Variants in IGHMBP2 observed in about 807,000 individuals in gnomAD.
The protein encoded by IGHMBP2 is DNA-binding protein SMUBP-2.
IGHMBP2 carries 81 observed loss-of-function variants against 96.0 expected under a neutral mutation model. The ratio of observed to expected loss-of-function variants is 0.84; its 90% CI spans 0.71 to 1.01. IGHMBP2 has a LOEUF of 1.01. Among genes scored for constraint, IGHMBP2 ranks in the 50% least tolerant of loss-of-function variants. The pLI is 0.00. For synonymous variants in IGHMBP2, 557 were observed against 548.9 expected, an observed-to-expected ratio of 1.01 and a Z score of -0.21; for missense variants, 1,227 against 1,306.3, an observed-to-expected ratio of 0.94 and a Z score of 0.94.
At chr11:68,933,278 C>T (rs1859384628) in intron 8 of IGHMBP2, 21 bp from the exon 9 acceptor site, 1 of 1,606,868 alleles carries the variant, frequency 6.2e-7, no homozygotes, top group Admixed American at 1.7e-5. Context: ...TGCCTTCCCC[C>T]TTTCTCCCTC....
At chr11:68,933,577 T>C (rs1859402572) in intron 9 of IGHMBP2, 96 bp downstream of exon 9, 2 of 1,442,492 alleles carry the variant, frequency 1.4e-6, no homozygotes, top group Non-Finnish European at 1.9e-6. Flanking sequence ...TGAAGCTTTC[T>C]GCATGAAAGT....
At chr11:68,938,514 G>A (rs1458776335) in intron 14 of IGHMBP2, among the ~76,000 whole-genome samples, 160 bp downstream of exon 14, 1 of 152,214 alleles carries the variant, frequency 6.6e-6, no homozygotes, top group East Asian at 1.9e-4. Context: ...ACTCATGATC[G>A]GTTTTCAGCA....
In IGHMBP2 at chr11:68,933,832, G is replaced by A. The variant is rs374456063; in HGVS notation, c.1456G>A (p.Val486Met). The change falls in exon 10 of 15, where the codon GTG becomes ATG. Residue 486 changes from valine (V) to methionine (M), a missense_variant. Physicochemically the swap from Val to Met is conservative, Grantham distance 21. Around this residue, in one of 3 missense-constraint regions of IGHMBP2, gnomAD observed 703 missense variants for 770.3 expected, o/e 0.91. Coordinates refer to ENST00000255078, the MANE Select transcript of IGHMBP2 (RefSeq NM_002180.3). ...TGTGGCTGCCACAGAAGAGACGGGT[G>A]TGCCCCTGCTCTTGGTGGACACCGC... Reference protein sequence around the residue: ...PGVAATEETGVPLLLVDTAGC... With the variant: ...PGVAATEETGMPLLLVDTAGC... 6.2e-7 allele frequency: 1 copy of A among 1,612,402 alleles called. No individual in the cohort carries two copies. Among genetic ancestry groups the A allele is most frequent in the Non-Finnish European group, 8.5e-7 (1 of 1,179,408 alleles).
chr11:68,929,771 T>C (rs1320723070), intron 8 of IGHMBP2: 2 of 985,256 alleles, frequency 2.0e-6, no homozygotes, highest in Admixed American at 6.2e-5. Context: ...TGGAGGGCAC[T>C]GGGCAGAGAC....
At chr11:68,915,166 C>CCTTTTTT (rs1191505010) in intron 6 of IGHMBP2, 143 bp downstream of exon 6, 23 of 206,382 alleles carry the variant, frequency 1.1e-4, no homozygotes, top group African/African-American at 1.0e-3. Flanking sequence ...TTGGGCTGCC[C>CCTTTTTT]TTTTTTTTTT....
At chr11:68,930,319 G>A (rs772098085) in intron 8 of IGHMBP2, 168 of 1,289,678 alleles carry the variant, frequency 1.3e-4, no homozygotes, top group Non-Finnish European at 1.6e-4. Context: ...CTGTGGGTGT[G>A]TAGAAGCTAT....
chr11:68,938,396 G>A (rs374177180), intron 14 of IGHMBP2, 42 bp downstream of exon 14: 1 of 1,552,760 alleles, frequency 6.4e-7, no homozygotes, highest in African/African-American at 1.4e-5. Context: ...GTGGGGAGGG[G>A]TGGTGGGTTC....
At chr11:68,929,545 G>A (rs374376562) in intron 8 of IGHMBP2, among the ~76,000 whole-genome samples, 188 bp downstream of exon 8, 7 of 152,292 alleles carry the variant, frequency 4.6e-5, no homozygotes, top group African/African-American at 1.4e-4. Flanking sequence ...TGTACTCCCC[G>A]AGGGTGGGGT....
At chr11:68,938,076 T>TTACA in intron 13 of IGHMBP2, 106 bp from the exon 14 acceptor site, 1 of 1,277,724 alleles carries the variant, frequency 7.8e-7, no homozygotes, top group Non-Finnish European at 1.1e-6. Context: ...AATGCTGGGA[T>TTACA]TACAGGTGTG....
chr11:68,911,345 G>C (rs1858422746), intron 4 of IGHMBP2, 95 bp from the exon 5 acceptor site: 6 of 1,266,522 alleles, frequency 4.7e-6, no homozygotes, highest in African/African-American at 4.4e-5. Context: ...TTCCTGACAG[G>C]CATCACTCAT....
chr11:68,916,532 A>G (rs1858677541), intron 6 of IGHMBP2, among the ~76,000 whole-genome samples: 1 of 151,880 alleles, frequency 6.6e-6, no homozygotes, highest in Non-Finnish European at 1.5e-5. Context: ...CAGAGGAGTG[A>G]TGGCAGCAGG....
In IGHMBP2 at chr11:68,924,360, T is replaced by C. The variant is rs187274257; in HGVS notation, c.1061-4823T>C. ...CCTCTGGTTTGTTCCTGTGTGATAA[T>C]AGTACCACAAAGGTAGCAGCTGAAA... On this transcript the variant is annotated intron_variant, in intron 7 of 14. Coordinates refer to ENST00000255078, the MANE Select transcript of IGHMBP2 (RefSeq NM_002180.3). Among the ~76,000 whole-genome samples the C allele has an allele frequency of 4.1e-3, 629 of 152,340 alleles. 2 individuals carry two copies. Among genetic ancestry groups the C allele is most frequent in the Middle Eastern group, 6.8e-3 (2 of 294 alleles).
rs755607086 is a variant in IGHMBP2 at position 68,936,612 on chromosome 11, G to C, written c.2132G>C (p.Ser711Thr). 6.2e-7 allele frequency: 1 copy of C among 1,613,578 alleles called. No individual in the cohort carries two copies. The highest frequency in any genetic ancestry group is 8.5e-7 in the Non-Finnish European group (1 of 1,179,810). ...GCCTCTGAAGCTCCATCTCAGCCCA[G>C]CCTCAACGGAGGCAGCCCAGAGGGA... ...SLASEAPSQP[S>T]LNGGSPEGVE... The change falls in exon 13 of 15, where the codon AGC (serine) becomes ACC (threonine). Residue 711 changes from serine (S) to threonine (T), a missense_variant. This residue lies in a region of IGHMBP2 where 703 missense variants were observed against 770.3 expected (regional missense o/e 0.91). Transcript: ENST00000255078.
intron 11 of IGHMBP2, 117 bp downstream of exon 11, chr11:68,934,675 G>C (rs574620871): frequency 1.2e-5 from 10 of 803,502 alleles, no homozygotes; most frequent in Non-Finnish European, 2.1e-5. Flanking sequence ...GGGTAGGGCT[G>C]ACCTTATTGT....
At chr11:68,934,365 T>C (rs1859438935) in intron 10 of IGHMBP2, 99 bp from the exon 11 acceptor site, 2 of 835,184 alleles carry the variant, frequency 2.4e-6, no homozygotes. Context: ...GAGGATCAGC[T>C]GGCCATGATA....
chr11:68,917,198 C>T (rs905108761), intron 6 of IGHMBP2, among the ~76,000 whole-genome samples: 2 of 151,876 alleles, frequency 1.3e-5, no homozygotes, highest in South Asian at 2.1e-4. Context: ...AGGCTGGTCT[C>T]GATTTCCTGA....
chr11:68,929,656 C>A (rs1859199210), intron 8 of IGHMBP2: 1 of 804,094 alleles, frequency 1.2e-6, no homozygotes, highest in Non-Finnish European at 1.5e-6. Context: ...CCTCATGAAC[C>A]AGGCAGGTTT....
rs551282502 is a variant in IGHMBP2, at chr11:68,911,773, C to T, written c.711+170C>T. Among the ~76,000 whole-genome samples, 33 of 152,348 alleles carry T rather than the reference C, an allele frequency of 2.2e-4. No individual in the cohort carries two copies. The South Asian group carries it at 6.0e-3, about 28-fold the overall frequency. ...GCCCCTGTTTGATTTCCAGCATCCC[C>T]GTGAGTCTTGGGGAGCACGCGCAGG... On this transcript the variant is annotated intron_variant, in intron 5 of 14. Transcript: ENST00000255078.
At chr11:68,930,121 A>G (rs1859227870) in intron 8 of IGHMBP2, 1 of 1,189,058 alleles carries the variant, frequency 8.4e-7, no homozygotes, top group East Asian at 5.8e-5. Context: ...GTATCCCTTG[A>G]CTGCCCTTAC....
Sources: gnomAD v4.1 joint callset for allele counts (sites outside exome capture counted in the v4.1 genomes callset) on GRCh38, gnomAD v4.1.1 for gene constraint, gnomAD v4.1.1 regional missense constraint, MANE v1.5 for transcripts, NCBI Gene and HGNC (gene_info 2026-07-23, HGNC 2026-07-21) for gene names.